ASH1L: variants seen among roughly 807,000 people sequenced by gnomAD.
The protein encoded by ASH1L is ASH1 like histone lysine methyltransferase.
ASH1L carries 23 observed loss-of-function variants against 269.0 expected under a neutral mutation model. The ratio of observed to expected loss-of-function variants is 0.09; its 90% CI spans 0.06 to 0.12. The LOEUF (loss-of-function observed/expected upper bound fraction) is 0.12, where lower values mean the gene tolerates loss of function less well. ASH1L is among the 10% of genes least tolerant of loss of function. The pLI is 1.00. For synonymous variants in ASH1L, 1,187 were observed against 1,253.5 expected (o/e 0.95, Z 1.12); for missense variants, 2,912 against 3,567.8 (o/e 0.82, Z 4.68).
At chr1:155,389,870 C>T (rs1657767406) in intron 7 of ASH1L, among the ~76,000 whole-genome samples, 2 of 149,018 alleles carry the variant, frequency 1.3e-5, no homozygotes, top group South Asian at 4.3e-4. Flanking sequence ...GCTACTACTA[C>T]CAGTAGCTTT....
chr1:155,370,764 T>C lies in ASH1L; in HGVS notation c.6539+13A>G. ...TTGGCATTTTATTAGAGTATCATCA[T>C]TTACCACCGTACCTGAACTCCTGTT... On this transcript the variant is annotated intron_variant, in intron 11 of 27. Coordinates refer to ENST00000392403, the MANE Select transcript of ASH1L (RefSeq NM_018489.3). The C allele has an allele frequency of 6.2e-7, 1 of 1,614,186 alleles. No individual in the cohort carries two copies. The highest frequency in any genetic ancestry group is 8.5e-7 in the Non-Finnish European group (1 of 1,179,994).
Position 155,438,815 on chromosome 1 carries a change from T to C in ASH1L, c.5340A>G (p.Ser1780=). The C allele has an allele frequency of 6.2e-7, 1 of 1,614,088 alleles. No homozygotes were observed. Among genetic ancestry groups the C allele is most frequent in the Non-Finnish European group, 8.5e-7 (1 of 1,180,020 alleles). ...VTSDSCNNSI[S]LLSEKLTSSC... ...TGCTTGTCAACTTTTCAGATAGGAG[T>C]GAGATGCTATTATTGCAAGAGTCAC... Residue 1780 remains serine (S), a synonymous_variant, in exon 5 of 28, where the codon TCA becomes TCG. Transcript: ENST00000392403.
At chr1:155,417,935 G>A (rs1660349760) in intron 5 of ASH1L, among the ~76,000 whole-genome samples, 1 of 150,952 alleles carries the variant, frequency 6.6e-6, no homozygotes, top group South Asian at 2.1e-4. Context: ...TCCAGCCTGG[G>A]TGACAAGAGC....
chr1:155,407,768 T>C (rs1316314329), intron 6 of ASH1L, among the ~76,000 whole-genome samples: 7 of 151,784 alleles, frequency 4.6e-5, no homozygotes, highest in Admixed American at 4.6e-4. Context: ...ACAACATGCA[T>C]GAAACCTGAA....
chr1:155,406,596 G>A (rs778731354), intron 6 of ASH1L, among the ~76,000 whole-genome samples: 3 of 152,110 alleles, frequency 2.0e-5, no homozygotes, highest in Non-Finnish European at 2.9e-5. Context: ...CCAGCTACTC[G>A]GGAGGCTGAG....
chr1:155,425,500 G>A (rs1661076348), intron 5 of ASH1L, among the ~76,000 whole-genome samples: 2 of 150,078 alleles, frequency 1.3e-5, no homozygotes, highest in African/African-American at 4.9e-5. Context: ...GTGCAATGGT[G>A]CGATCTTGGC....
intron 7 of ASH1L, among the ~76,000 whole-genome samples, chr1:155,383,302 A>G (rs1307018080): frequency 6.6e-6 from 1 of 152,204 alleles, no homozygotes; most frequent in African/African-American, 2.4e-5. Flanking sequence ...TTTAACAGTG[A>G]TGTCCTAGGC....
intron 12 of ASH1L, among the ~76,000 whole-genome samples, chr1:155,365,099 C>T (rs1352951839): frequency 1.3e-5 from 2 of 152,250 alleles, no homozygotes; most frequent in East Asian, 1.9e-4. Context: ...GATCAGAACC[C>T]CTTTCTGGCA....
In ASH1L at chr1:155,460,015, TA is replaced by T. The variant is rs752568342; in HGVS notation, c.4985-118del. 85 of 684,632 alleles carry T rather than the reference TA, an allele frequency of 1.2e-4. No individual in the cohort carries two copies. The South Asian group carries it at 1.6e-3, about 13-fold the overall frequency. The allele number at this position is 684,632 out of a possible 1,614,324, so 42.4% of individuals were successfully genotyped here. On this transcript the variant is annotated intron_variant, in intron 3 of 27. Transcript: ENST00000392403. ...TTGCTGCCACTGTCATCCCCTGTAA[TA>T]ACATGACTTGTAACCTGATATTAGG...
chr1:155,375,798 CAAAA>C (rs60058591), intron 10 of ASH1L, among the ~76,000 whole-genome samples: 1 of 138,028 alleles, frequency 7.2e-6, no homozygotes, highest in Non-Finnish European at 1.6e-5. Flanking sequence ...AACTTCGTCT[CAAAA>C]AAAAAAAAGA....
At chr1:155,413,383 A>G (rs1346919637) in intron 6 of ASH1L, among the ~76,000 whole-genome samples, 4 of 152,168 alleles carry the variant, frequency 2.6e-5, no homozygotes, top group Admixed American at 6.5e-5. Flanking sequence ...AGGAGGGCGG[A>G]TCACCTGAGG....
chr1:155,409,495 C>T (rs56035547), intron 6 of ASH1L, among the ~76,000 whole-genome samples: 7,952 of 152,224 alleles, frequency 0.052, 696 homozygotes, highest in African/African-American at 0.18. Context: ...AATGAAAAGA[C>T]TTGGTGGATA....
chr1:155,521,543 G>A lies in ASH1L; in HGVS notation c.-24C>T. The A allele has an allele frequency of 6.4e-7, 1 of 1,568,112 alleles. No homozygotes were observed. The highest frequency in any genetic ancestry group is 1.2e-5 in the South Asian group (1 of 83,634). ...ATCACAAGCGTATGTTATTGCCAAG[G>A]AATCTTATGAAAATTTTACAGAACT... On this transcript the variant is annotated 5_prime_UTR_variant, in exon 2 of 28. Transcript: ENST00000392403.
At chr1:155,381,681 C>T (rs1425343518) in intron 7 of ASH1L, among the ~76,000 whole-genome samples, 1 of 151,770 alleles carries the variant, frequency 6.6e-6, no homozygotes, top group African/African-American at 2.4e-5. Flanking sequence ...TCAAGACCAG[C>T]CTGGCCAACA....
At chr1:155,426,601 G>A (rs1571183846) in intron 5 of ASH1L, among the ~76,000 whole-genome samples, 2 of 152,138 alleles carry the variant, frequency 1.3e-5, no homozygotes, top group South Asian at 4.1e-4. Context: ...CAGACTCCCA[G>A]TGAAATTTTA....
In ASH1L at chr1:155,480,420, C is replaced by T. The variant is rs1665867633; in HGVS notation, c.2450G>A (p.Ser817Asn). The T allele has an allele frequency of 2.5e-6, 4 of 1,614,080 alleles. No individual in the cohort carries two copies. Among genetic ancestry groups the T allele is most frequent in the Non-Finnish European group, 3.4e-6 (4 of 1,179,978 alleles). ...CTTATAAATATCAGACAAAAGGTCACTAGAGACACACATACTGGAGGATAG... is the reference window on the plus strand; with the variant it reads ...CTTATAAATATCAGACAAAAGGTCATTAGAGACACACATACTGGAGGATAG... The part of the protein sequence containing the change: ...HKLSSSMCVS[S>N]DLLSDIYKPK... The change falls in exon 3 of 28, where the codon AGT becomes AAT. Residue 817 changes from serine (S) to asparagine (N), a missense_variant. Ser to Asn is a conservative substitution (Grantham distance 46, BLOSUM62 1). Around this residue, in one of 13 missense-constraint regions of ASH1L, gnomAD observed 715 missense variants for 721.0 expected, o/e 0.99. Transcript: ENST00000392403.
chr1:155,339,425 T>C, intron 25 of ASH1L, 57 bp from the exon 26 acceptor site: 3 of 1,535,164 alleles, frequency 2.0e-6, no homozygotes, highest in South Asian at 2.2e-5. Flanking sequence ...GAGCTAGCTC[T>C]TCTCTGGGGC....
chr1:155,447,416 G>A (rs1663120106), intron 4 of ASH1L, among the ~76,000 whole-genome samples: 1 of 152,090 alleles, frequency 6.6e-6, no homozygotes, highest in African/African-American at 2.4e-5. Flanking sequence ...TTTTGGTAGA[G>A]ACGGGGTTTC....
At chr1:155,417,569 T>C (rs904721819) in intron 5 of ASH1L, among the ~76,000 whole-genome samples, 17 of 152,076 alleles carry the variant, frequency 1.1e-4, no homozygotes, top group African/African-American at 3.9e-4. Context: ...TTAGGCAAAG[T>C]AGAAAGACAT....
Sources: gnomAD v4.1 joint callset for allele counts (sites outside exome capture counted in the v4.1 genomes callset) on GRCh38, gnomAD v4.1.1 for gene constraint, gnomAD v4.1.1 regional missense constraint, MANE v1.5 for transcripts, NCBI Gene and HGNC (gene_info 2026-07-23, HGNC 2026-07-21) for gene names.